The following RELL1 variants were observed in gnomAD, a reference collection of about 807,000 sequenced individuals.
RELL1 encodes the protein RELT like 1, also known as RELT-like protein 1.
In RELL1, 10 loss-of-function variants were observed where a neutral mutation model predicts 23.0. The observed-to-expected ratio is 0.43, with a 90% CI of 0.27 to 0.74. RELL1 has a LOEUF of 0.74. RELL1 is among the 30% of genes least tolerant of loss of function. RELL1 has a pLI of 0.19. For missense variants in RELL1, 315 were observed against 364.4 expected, an observed-to-expected ratio of 0.86 and a Z score of 1.10; for synonymous variants, 146 against 146.8, an observed-to-expected ratio of 0.99 and a Z score of 0.04.
chr4:37,629,170 G>C (rs1720045327), intron 6 of RELL1, among the ~76,000 whole-genome samples: 1 of 152,208 alleles, frequency 6.6e-6, no homozygotes, highest in Non-Finnish European at 1.5e-5. Flanking sequence ...TCACTGCCCA[G>C]TTGATGACTC....
At position 37,639,449 on chromosome 4, in the gene RELL1, G is replaced by A. The variant is rs373061516; in HGVS notation, c.386-945C>T. Among the ~76,000 whole-genome samples the A allele has an allele frequency of 1.2e-4, 18 of 145,598 alleles. No homozygotes were observed. In the South Asian group the frequency reaches 2.4e-3, roughly 19 times the overall value. ...ACAACATATAAGTTATGTAATATAC[G>A]CTAACTTTAAAAAATTAGACTTCTA... On this transcript the variant is annotated intron_variant, in intron 3 of 6. Coordinates refer to ENST00000454158, the MANE Select transcript of RELL1 (RefSeq NM_001085400.2).
rs1335306891 is a variant in RELL1 at position 37,681,797 on chromosome 4, G to A, written c.88+4403C>T. Among the ~76,000 whole-genome samples the A allele has an allele frequency of 3.3e-5, 5 of 152,280 alleles. No homozygotes were observed. The East Asian group carries it at 5.8e-4, about 18-fold the overall frequency. On this transcript the variant is annotated intron_variant, in intron 1 of 6. Transcript: ENST00000454158. ...CCGCCTTGGCCTCCCAAAGTGCTGC[G>A]ATTACAGGCGTGAGCCACTGCACCC...
intron 1 of RELL1, among the ~76,000 whole-genome samples, chr4:37,658,144 G>C (rs1376904038): frequency 6.6e-6 from 1 of 152,096 alleles, no homozygotes. Flanking sequence ...AGGCTTAGCA[G>C]AGAGACTGAA....
chr4:37,664,005 G>A (rs1560353863), intron 1 of RELL1, among the ~76,000 whole-genome samples: 1 of 152,174 alleles, frequency 6.6e-6, no homozygotes, highest in Non-Finnish European at 1.5e-5. Context: ...TCAGCTGTAG[G>A]TGAATGAAAT....
At chr4:37,592,724 T>C (rs748723021) in intron 6 of RELL1, among the ~76,000 whole-genome samples, 1 of 151,460 alleles carries the variant, frequency 6.6e-6, no homozygotes, top group Non-Finnish European at 1.5e-5. Context: ...ATGTATCCCT[T>C]TACCCATCTG....
chr4:37,632,103 A>AC (rs1262723662), intron 5 of RELL1, among the ~76,000 whole-genome samples: 4 of 150,748 alleles, frequency 2.7e-5, no homozygotes, highest in Non-Finnish European at 5.9e-5. Context: ...AAAAAAAAAA[A>AC]AAAAAACACC....
chr4:37,682,225 T>C lies in RELL1; in HGVS notation c.88+3975A>G, dbSNP rs557679057. Among the ~76,000 whole-genome samples, 10 of 152,204 alleles carry C rather than the reference T, an allele frequency of 6.6e-5. 1 individual carries two copies. In the South Asian group the frequency reaches 2.1e-3, roughly 32 times the overall value. On this transcript the variant is annotated intron_variant, in intron 1 of 6. Coordinates refer to ENST00000454158, the MANE Select transcript of RELL1 (RefSeq NM_001085400.2). ...ATTGAATTCCTTTTTCCTAAAAGAG[T>C]AAAGTGTCTACAGTGTACTAACACC...
intron 1 of RELL1, among the ~76,000 whole-genome samples, chr4:37,673,325 G>A (rs1345048559): frequency 1.3e-5 from 2 of 150,292 alleles, no homozygotes; most frequent in African/African-American, 4.9e-5. Context: ...GAGTAGCTGG[G>A]ATGAAAGGCA....
At chr4:37,632,701 T>TAA (rs35821158) in intron 5 of RELL1, among the ~76,000 whole-genome samples, 2 of 151,846 alleles carry the variant, frequency 1.3e-5, no homozygotes, top group Non-Finnish European at 2.9e-5. Context: ...AGTAAGCCTT[T>TAA]AAAAAAAATG....
intron 1 of RELL1, among the ~76,000 whole-genome samples, chr4:37,678,000 AG>A (rs1722074703): frequency 6.6e-6 from 1 of 152,154 alleles, no homozygotes; most frequent in Non-Finnish European, 1.5e-5. Flanking sequence ...CCTGAGACTG[AG>A]TAATTTATTT....
downstream of RELL1, among the ~76,000 whole-genome samples, chr4:37,608,970 C>T (rs2939733): frequency 1 from 152,019 of 152,352 alleles, 75,845 homozygotes; most frequent in Middle Eastern, 1. Flanking sequence ...TGCCATTATA[C>T]AGAAGTACAA....
chr4:37,657,529 T>A (rs148889785), intron 1 of RELL1, among the ~76,000 whole-genome samples: 1 of 152,238 alleles, frequency 6.6e-6, no homozygotes, highest in South Asian at 2.1e-4. Context: ...ATGACTTCCA[T>A]ATGAAGGAGG....
At chr4:37,586,952 T>C (rs1312773229), downstream of RELL1, among the ~76,000 whole-genome samples, 1 of 152,036 alleles carries the variant, frequency 6.6e-6, no homozygotes, top group African/African-American at 2.4e-5. Context: ...AAGTTTATTC[T>C]CTCCCAGTTC....
chr4:37,654,910 G>A (rs1721071424), intron 1 of RELL1, among the ~76,000 whole-genome samples: 1 of 151,810 alleles, frequency 6.6e-6, no homozygotes, highest in African/African-American at 2.4e-5. Flanking sequence ...AAACCAAAAT[G>A]CTAAGTGATT....
At chr4:37,632,599 T>G (rs1296152640) in intron 5 of RELL1, among the ~76,000 whole-genome samples, 1 of 152,138 alleles carries the variant, frequency 6.6e-6, no homozygotes, top group Non-Finnish European at 1.5e-5. Flanking sequence ...GGCAGTCCTA[T>G]CTCAACACAC....
chr4:37,666,145 C>T (rs1456033815), intron 1 of RELL1, among the ~76,000 whole-genome samples: 1 of 152,186 alleles, frequency 6.6e-6, no homozygotes, highest in Non-Finnish European at 1.5e-5. Context: ...CTTACATTAT[C>T]ATTTCTTATC....
intron 6 of RELL1, among the ~76,000 whole-genome samples, chr4:37,628,602 C>T (rs542431739): frequency 6.6e-6 from 1 of 152,162 alleles, no homozygotes; most frequent in Admixed American, 6.5e-5. Context: ...AACACGTCAC[C>T]CTTTGAAGGC....
At chr4:37,648,494 T>C (rs1720784974) in intron 2 of RELL1, among the ~76,000 whole-genome samples, 1 of 152,212 alleles carries the variant, frequency 6.6e-6, no homozygotes, top group Non-Finnish European at 1.5e-5. Flanking sequence ...CTGAAAGGAA[T>C]AGGGGGAGTC....
At chr4:37,655,847 G>C (rs1352286485) in intron 1 of RELL1, among the ~76,000 whole-genome samples, 1 of 152,264 alleles carries the variant, frequency 6.6e-6, no homozygotes, top group African/African-American at 2.4e-5. Flanking sequence ...GTTTCCAGAA[G>C]AGGTAAGTGG....
Sources: gnomAD v4.1 joint callset for allele counts (sites outside exome capture counted in the v4.1 genomes callset) on GRCh38, gnomAD v4.1.1 for gene constraint, MANE v1.5 for transcripts, NCBI Gene and HGNC (gene_info 2026-07-23, HGNC 2026-07-21) for gene names.